The following GLIS3 variants were observed in gnomAD, a reference collection of about 807,000 sequenced individuals.
GLIS3 encodes the protein GLIS family zinc finger 3.
Under a neutral mutation model 78.6 loss-of-function variants are expected in GLIS3, and 53 were observed. The observed-to-expected ratio is 0.67, with a 90% CI of 0.54 to 0.85. The LOEUF (loss-of-function observed/expected upper bound fraction) is 0.85, where lower values mean the gene tolerates loss of function less well. GLIS3 is among the 40% of genes least tolerant of loss of function. The pLI, the probability that GLIS3 is intolerant of heterozygous loss-of-function variation, is 0.00. For missense variants in GLIS3, 1,703 were observed against 1,231.1 expected (o/e 1.38, Z -5.74); for synonymous variants, 684 against 509.9 (o/e 1.34, Z -4.60).
chr9:4,133,362 T>C (rs1030663445), intron 2 of GLIS3, among the ~76,000 whole-genome samples: 6 of 152,148 alleles, frequency 3.9e-5, no homozygotes, highest in African/African-American at 1.4e-4. Context: ...CAAACATAGG[T>C]TTTGAGACTC....
At chr9:4,324,800 G>A (rs1817578683) in intron 2 of GLIS3, among the ~76,000 whole-genome samples, 1 of 152,172 alleles carries the variant, frequency 6.6e-6, no homozygotes, top group African/African-American at 2.4e-5. Flanking sequence ...TTGGCTCTGA[G>A]TGACTTGTTT....
chr9:4,142,485 G>A (rs1387406539), intron 2 of GLIS3, among the ~76,000 whole-genome samples: 1 of 152,170 alleles, frequency 6.6e-6, no homozygotes, highest in Non-Finnish European at 1.5e-5. Context: ...TCATTCAACT[G>A]TTCCAGGTGA....
At chr9:3,903,609 C>T (rs1823467120) in intron 6 of GLIS3, among the ~76,000 whole-genome samples, 1 of 152,102 alleles carries the variant, frequency 6.6e-6, no homozygotes, top group Admixed American at 6.5e-5. Context: ...TTTATTGGGC[C>T]TCAACCATAT....
the GLIS3 span, among the ~76,000 whole-genome samples, chr9:4,381,281 AC>A: frequency 3.3e-5 from 5 of 152,230 alleles, no homozygotes; most frequent in African/African-American, 1.2e-4. Flanking sequence ...ATGAGAAAGT[AC>A]TTTGAAAAGT....
At chr9:4,178,955 T>C (rs922430467) in intron 2 of GLIS3, among the ~76,000 whole-genome samples, 2 of 152,208 alleles carry the variant, frequency 1.3e-5, no homozygotes, top group Non-Finnish European at 2.9e-5. Flanking sequence ...AACTTATAAA[T>C]AGATAGTAGT....
At chr9:3,954,292 C>G (rs1167517626) in intron 4 of GLIS3, among the ~76,000 whole-genome samples, 2 of 152,186 alleles carry the variant, frequency 1.3e-5, no homozygotes, top group Non-Finnish European at 2.9e-5. Context: ...GACCTAGAAG[C>G]TCCTCGATAA....
At position 3,879,415 on chromosome 9, in the gene GLIS3, A is replaced by G; in HGVS notation, c.2297+12T>C. On this transcript the variant is annotated intron_variant, in intron 8 of 10. Coordinates refer to ENST00000381971, the MANE Select transcript of GLIS3 (RefSeq NM_001042413.2). ...GCGACACCTATTAGGAGAGAGAGAC[A>G]GATGGCCTTACCTCTCAGCTCCTGC... 1 of 1,604,556 alleles carries G rather than the reference A, an allele frequency of 6.2e-7. No homozygotes were observed. The highest frequency in any genetic ancestry group is 8.5e-7 in the Non-Finnish European group (1 of 1,171,888).
chr9:4,192,530 C>T (rs1374805406), intron 2 of GLIS3, among the ~76,000 whole-genome samples: 3 of 152,214 alleles, frequency 2.0e-5, no homozygotes, highest in Non-Finnish European at 2.9e-5. Context: ...CTGGTTTCAA[C>T]CTGTGAACTC....
chr9:4,322,467 G>A (rs758204459), intron 2 of GLIS3, among the ~76,000 whole-genome samples: 1 of 152,264 alleles, frequency 6.6e-6, no homozygotes, highest in East Asian at 1.9e-4. Context: ...GATCCTTGAG[G>A]AATCGCCACA....
intron 2 of GLIS3, among the ~76,000 whole-genome samples, chr9:4,192,080 A>T (rs1244689150): frequency 6.6e-6 from 1 of 152,180 alleles, no homozygotes; most frequent in Non-Finnish European, 1.5e-5. Flanking sequence ...ATAAACATTG[A>T]GCATGGCAAA....
the GLIS3 span, among the ~76,000 whole-genome samples, chr9:4,469,347 C>T: frequency 2.0e-5 from 3 of 152,230 alleles, no homozygotes; most frequent in East Asian, 5.8e-4. Flanking sequence ...TTTTGAGCAC[C>T]ACACAATACC....
At chr9:3,991,362 G>A (rs556700310) in intron 4 of GLIS3, among the ~76,000 whole-genome samples, 1 of 152,106 alleles carries the variant, frequency 6.6e-6, no homozygotes, top group Non-Finnish European at 1.5e-5. Flanking sequence ...CACAGCAGAT[G>A]TCACTGGGTA....
chr9:4,075,674 T>C (rs751717260), intron 4 of GLIS3, among the ~76,000 whole-genome samples: 61 of 152,086 alleles, frequency 4.0e-4, no homozygotes, highest in Non-Finnish European at 4.3e-4. Flanking sequence ...TTGCAAAAGA[T>C]TTATTCAAAA....
At chr9:3,872,227 A>G (rs190284166) in intron 8 of GLIS3, among the ~76,000 whole-genome samples, 7 of 152,306 alleles carry the variant, frequency 4.6e-5, no homozygotes, top group Non-Finnish European at 8.8e-5. Context: ...CCATTCAACA[A>G]GTCTCTAGGA....
rs566369786 is a variant in GLIS3, at chr9:3,948,826, T to G, written c.1711-11637A>C. 2.0e-5 allele frequency among the ~76,000 whole-genome samples: 3 copies of G among 152,342 alleles called. No individual in the cohort carries two copies. The South Asian group carries it at 6.2e-4, about 32-fold the overall frequency. On this transcript the variant is annotated intron_variant, in intron 4 of 10. Transcript: ENST00000381971. ...GATATGTTTCTTCCTTTATTTTATC[T>G]CTTTGTCATCTTACAGAGCCAACAA...
intron 2 of GLIS3, among the ~76,000 whole-genome samples, chr9:4,344,498 T>C (rs1338249722): frequency 6.6e-6 from 1 of 152,220 alleles, no homozygotes; most frequent in Non-Finnish European, 1.5e-5. Flanking sequence ...CCTCTAAGTG[T>C]AAAGTAACCC....
At chr9:3,884,996 G>C (rs1208137569) in intron 7 of GLIS3, among the ~76,000 whole-genome samples, 1 of 152,154 alleles carries the variant, frequency 6.6e-6, no homozygotes, top group East Asian at 1.9e-4. Context: ...ATCAAACTGT[G>C]GGTTAGAGTG....
chr9:4,383,911 C>T, the GLIS3 span, among the ~76,000 whole-genome samples: 1 of 152,154 alleles, frequency 6.6e-6, no homozygotes, highest in Non-Finnish European at 1.5e-5. Context: ...CCTTTGTTAG[C>T]TAGGTGGTCC....
chr9:4,384,110 G>T, the GLIS3 span, among the ~76,000 whole-genome samples: 1 of 152,196 alleles, frequency 6.6e-6, no homozygotes, highest in Non-Finnish European at 1.5e-5. Flanking sequence ...GCCTTTGGGG[G>T]TTAACCAGTT....
Sources: gnomAD v4.1 joint callset for allele counts (sites outside exome capture counted in the v4.1 genomes callset) on GRCh38, gnomAD v4.1.1 for gene constraint, MANE v1.5 for transcripts, NCBI Gene and HGNC (gene_info 2026-07-23, HGNC 2026-07-21) for gene names.